SH3D19: variants seen among roughly 807,000 people sequenced by gnomAD.
SH3D19 encodes the protein SH3 domain containing 19.
Under a neutral mutation model 112.1 loss-of-function variants are expected in SH3D19, and 58 were observed. That is an observed-to-expected ratio of 0.52 (90% CI 0.42 to 0.64). The LOEUF (loss-of-function observed/expected upper bound fraction) is 0.64. SH3D19 is among the 30% of genes least tolerant of loss of function. The pLI, the probability that SH3D19 is intolerant of heterozygous loss-of-function variation, is 0.00. For missense variants in SH3D19, 1,090 were observed against 1,263.4 expected (o/e 0.86, Z 2.08); for synonymous variants, 391 against 448.5 (o/e 0.87, Z 1.62).
intron 1 of SH3D19, among the ~76,000 whole-genome samples, chr4:151,263,308 G>C (rs1651227149): frequency 6.6e-6 from 1 of 152,160 alleles, no homozygotes; most frequent in African/African-American, 2.4e-5. Flanking sequence ...GAAGATGCTG[G>C]GGTCCAGAGG....
intron 9 of SH3D19, among the ~76,000 whole-genome samples, chr4:151,150,184 CAA>C (rs759365990): frequency 6.9e-4 from 5 of 7,198 alleles, no homozygotes; most frequent in African/African-American, 1.4e-3. Flanking sequence ...GACTCCATCT[CAA>C]AAAAAAAAAA....
At chr4:151,237,763 G>A (rs1770241121) in intron 1 of SH3D19, among the ~76,000 whole-genome samples, 1 of 152,156 alleles carries the variant, frequency 6.6e-6, no homozygotes, top group Non-Finnish European at 1.5e-5. Flanking sequence ...TATTTAGCAA[G>A]TTCATAATAT....
chr4:151,140,197 G>A (rs17027318), intron 12 of SH3D19: 4,047 of 182,756 alleles, frequency 0.022, 66 homozygotes, highest in Middle Eastern at 0.045. Flanking sequence ...CCCTTTCAAG[G>A]ATAGCTTTTT....
chr4:151,255,316 G>A (rs962209745), intron 1 of SH3D19, among the ~76,000 whole-genome samples: 16 of 150,700 alleles, frequency 1.1e-4, no homozygotes, highest in Middle Eastern at 3.3e-3. Context: ...CAGACGGGGC[G>A]GCCGGGCAGA....
chr4:151,249,176 G>A (rs1401726147), intron 1 of SH3D19, among the ~76,000 whole-genome samples: 2 of 152,062 alleles, frequency 1.3e-5, no homozygotes, highest in Non-Finnish European at 2.9e-5. Flanking sequence ...ACTCATACAC[G>A]TATTCAGAGT....
chr4:151,319,297 G>A (rs1355144339), intron 1 of SH3D19, among the ~76,000 whole-genome samples: 4 of 152,172 alleles, frequency 2.6e-5, no homozygotes, highest in Non-Finnish European at 5.9e-5. Context: ...TAGTCCACCC[G>A]CATTGGCCTC....
At chr4:151,139,926 T>C in intron 12 of SH3D19, 79 bp from the exon 13 acceptor site, 1 of 1,332,748 alleles carries the variant, frequency 7.5e-7, no homozygotes, top group Non-Finnish European at 1.1e-6. Context: ...ACCAATTTTT[T>C]TTTTCTCATT....
At chr4:151,176,982 T>C in intron 4 of SH3D19, 27 bp from the exon 5 acceptor site, 1 of 1,231,984 alleles carries the variant, frequency 8.1e-7, no homozygotes, top group Non-Finnish European at 1.0e-6. Context: ...TCAGTGAGGT[T>C]TTGCAGAATG....
chr4:151,221,400 C>A (rs1287808190), intron 2 of SH3D19, among the ~76,000 whole-genome samples: 1 of 152,174 alleles, frequency 6.6e-6, no homozygotes, highest in African/African-American at 2.4e-5. Flanking sequence ...GCTGGCCTGG[C>A]GGGGTAGCCC....
At chr4:151,244,721 G>A (rs1007375037) in intron 1 of SH3D19, among the ~76,000 whole-genome samples, 5 of 152,180 alleles carry the variant, frequency 3.3e-5, no homozygotes, top group African/African-American at 1.2e-4. Context: ...CAGTTAATCT[G>A]TACATAAAAC....
At chr4:151,297,735 T>C (rs1278334406) in intron 1 of SH3D19, among the ~76,000 whole-genome samples, 1 of 152,176 alleles carries the variant, frequency 6.6e-6, no homozygotes, top group Non-Finnish European at 1.5e-5. Flanking sequence ...GGCTAAACAA[T>C]AGCCCCTCTA....
At chr4:151,218,791 A>G (rs1405426573) in intron 2 of SH3D19, among the ~76,000 whole-genome samples, 1 of 152,062 alleles carries the variant, frequency 6.6e-6, no homozygotes, top group African/African-American at 2.4e-5. Context: ...TACAACAAAC[A>G]ATGTATTATT....
chr4:151,228,986 T>A (rs960594734), intron 1 of SH3D19, among the ~76,000 whole-genome samples: 3 of 151,824 alleles, frequency 2.0e-5, no homozygotes, highest in African/African-American at 7.3e-5. Flanking sequence ...TCCCAAGTAG[T>A]TGAAGTAGTT....
At chr4:151,294,538 T>C (rs1376290276) in intron 1 of SH3D19, among the ~76,000 whole-genome samples, 1 of 152,188 alleles carries the variant, frequency 6.6e-6, no homozygotes, top group Non-Finnish European at 1.5e-5. Context: ...CAGGGGGTGG[T>C]GGGGCAGTTA....
intron 18 of SH3D19, 77 bp from the exon 19 acceptor site, chr4:151,127,792 A>C: frequency 1.3e-6 from 1 of 783,056 alleles, no homozygotes; most frequent in Non-Finnish European, 1.9e-6. Context: ...TTAAAAAAAA[A>C]CGCTTATCGC....
At chr4:151,252,871 C>T (rs1771522961) in intron 1 of SH3D19, among the ~76,000 whole-genome samples, 1 of 152,192 alleles carries the variant, frequency 6.6e-6, no homozygotes, top group Non-Finnish European at 1.5e-5. Flanking sequence ...GTCTTCTTCT[C>T]ACAACCACAT....
Position 151,155,530 on chromosome 4 carries a change from A to T in SH3D19, c.1755+3710T>A, listed in dbSNP as rs557699072. On this transcript the variant is annotated intron_variant, in intron 9 of 19. Transcript: ENST00000604030. ...TTTGAACTGAAAATTTGGTTCAAAG[A>T]CTTAAAAGTTAATTTCTCTTAAAAC... Among the ~76,000 whole-genome samples the T allele has an allele frequency of 2.0e-5, 3 of 152,284 alleles. No individual in the cohort carries two copies. In the East Asian group the frequency reaches 5.8e-4, roughly 29 times the overall value.
intron 1 of SH3D19, among the ~76,000 whole-genome samples, chr4:151,253,542 C>A (rs905231660): frequency 2.0e-5 from 3 of 152,178 alleles, no homozygotes; most frequent in African/African-American, 7.2e-5. Context: ...AGATTGAGAC[C>A]ACCCTGGCTA....
At chr4:151,173,064 A>C (rs1759346766) in intron 7 of SH3D19, among the ~76,000 whole-genome samples, 1 of 152,238 alleles carries the variant, frequency 6.6e-6, no homozygotes, top group African/African-American at 2.4e-5. Context: ...TCATGCTTAA[A>C]GTATATTGTT....
Sources: allele counts gnomAD v4.1 joint callset (sites outside exome capture counted in the v4.1 genomes callset), GRCh38; gene constraint gnomAD v4.1.1; transcripts MANE v1.5; gene names NCBI Gene and HGNC (gene_info 2026-07-23, HGNC 2026-07-21).